The following KANSL1L variants were observed in gnomAD, a reference collection of about 807,000 sequenced individuals.
KANSL1L encodes the protein KAT8 regulatory NSL complex subunit 1-like protein.
A neutral mutation model predicts 108.6 loss-of-function variants in KANSL1L; 25 were observed. That is an observed-to-expected ratio of 0.23 (90% confidence interval 0.17 to 0.32). The LOEUF (loss-of-function observed/expected upper bound fraction) is 0.32, where lower values mean the gene tolerates loss of function less well. Ranked by LOEUF, KANSL1L falls within the 10% of genes least tolerant of loss-of-function variation. KANSL1L has a pLI of 1.00. For synonymous variants in KANSL1L, 405 were observed against 395.1 expected (o/e 1.03, Z -0.30); for missense variants, 1,137 against 1,125.7 (o/e 1.01, Z -0.14).
At chr2:210,059,977 A>G (rs1028305665) in intron 6 of KANSL1L, among the ~76,000 whole-genome samples, 1 of 152,146 alleles carries the variant, frequency 6.6e-6, no homozygotes, top group African/African-American at 2.4e-5. Context: ...TCCTGACCTC[A>G]GGTGATCCAC....
intron 10 of KANSL1L, chr2:210,029,228 A>G (rs1014091689): frequency 8.9e-6 from 3 of 336,710 alleles, no homozygotes; most frequent in African/African-American, 4.3e-5. Context: ...TAAGACCACA[A>G]AAAATAGGTC....
intron 1 of KANSL1L, among the ~76,000 whole-genome samples, chr2:210,162,851 T>C (rs1387141610): frequency 4.6e-5 from 7 of 152,172 alleles, no homozygotes; most frequent in Non-Finnish European, 8.8e-5. Context: ...AAAGCCGATA[T>C]TACTTTTTAA....
At chr2:210,164,563 A>T (rs914832625) in intron 1 of KANSL1L, among the ~76,000 whole-genome samples, 4 of 152,188 alleles carry the variant, frequency 2.6e-5, no homozygotes, top group African/African-American at 7.2e-5. Flanking sequence ...CAAGATACTT[A>T]GGAACAAGAG....
At chr2:210,046,457 T>C (rs559514153) in intron 6 of KANSL1L, among the ~76,000 whole-genome samples, 2 of 152,266 alleles carry the variant, frequency 1.3e-5, no homozygotes, top group South Asian at 4.1e-4. Context: ...TATTACATGC[T>C]TCCAAAATAC....
rs2093951490 is a variant in KANSL1L at position 210,027,295 on chromosome 2, C to T, written c.2451+1G>A. 1 of 1,604,262 alleles carries T rather than the reference C, an allele frequency of 6.2e-7. No individual in the cohort carries two copies. Among genetic ancestry groups the T allele is most frequent in the East Asian group, 2.2e-5 (1 of 44,752 alleles). ...ATCCCATTAAATGAAAGGCAGCTTACCTCTTCTTTGCCTAAATTATATTCA... is the reference window on the plus strand; with the variant it reads ...ATCCCATTAAATGAAAGGCAGCTTATCTCTTCTTTGCCTAAATTATATTCA... On this transcript the variant is annotated splice_donor_variant, in intron 12 of 14. Coordinates refer to ENST00000281772, the MANE Select transcript of KANSL1L (RefSeq NM_152519.4). LOFTEE classifies it high-confidence loss of function.
At chr2:210,102,923 T>A (rs781744255) in intron 4 of KANSL1L, among the ~76,000 whole-genome samples, 2 of 152,112 alleles carry the variant, frequency 1.3e-5, no homozygotes, top group Non-Finnish European at 2.9e-5. Context: ...TCCTCGAGGA[T>A]CTAGAACTAG....
At chr2:210,151,763 AT>A (rs2095305651) in intron 2 of KANSL1L, 1 of 152,220 alleles carries the variant, frequency 6.6e-6, no homozygotes, top group Non-Finnish European at 1.5e-5. Flanking sequence ...AGCCAGAAAA[AT>A]AATCTGCGCT....
chr2:210,104,925 G>A (rs2094831360), intron 3 of KANSL1L, among the ~76,000 whole-genome samples: 1 of 152,026 alleles, frequency 6.6e-6, no homozygotes, highest in Admixed American at 6.6e-5. Flanking sequence ...AAAGACACAA[G>A]CTTTCAACTT....
intron 6 of KANSL1L, among the ~76,000 whole-genome samples, chr2:210,053,628 A>G (rs945330549): frequency 9.2e-5 from 14 of 152,170 alleles, no homozygotes; most frequent in African/African-American, 3.4e-4. Context: ...ATACAAGATA[A>G]TTATTTTGTA....
intron 13 of KANSL1L, among the ~76,000 whole-genome samples, chr2:210,024,480 A>G (rs1480089958): frequency 3.3e-5 from 5 of 152,120 alleles, no homozygotes; most frequent in African/African-American, 1.2e-4. Context: ...GACTAATTAA[A>G]TGAAAGATGC....
intron 2 of KANSL1L, among the ~76,000 whole-genome samples, chr2:210,132,297 G>A (rs2095128966): frequency 6.6e-6 from 1 of 152,034 alleles, no homozygotes; most frequent in Non-Finnish European, 1.5e-5. Flanking sequence ...TAATGCACCA[G>A]CATACTCAGA....
intron 5 of KANSL1L, among the ~76,000 whole-genome samples, chr2:210,084,792 A>G (rs2094622457): frequency 6.6e-6 from 1 of 152,020 alleles, no homozygotes; most frequent in African/African-American, 2.4e-5. Context: ...TTTTGTTTTT[A>G]GTAGAGATGG....
At chr2:210,067,965 C>A (rs1292138476) in intron 6 of KANSL1L, among the ~76,000 whole-genome samples, 1 of 152,020 alleles carries the variant, frequency 6.6e-6, no homozygotes, top group Non-Finnish European at 1.5e-5. Context: ...GCAACCTCCG[C>A]CTCCTGGGTT....
intron 2 of KANSL1L, among the ~76,000 whole-genome samples, chr2:210,141,547 G>A (rs2095229533): frequency 6.6e-6 from 1 of 152,142 alleles, no homozygotes; most frequent in Admixed American, 6.6e-5. Flanking sequence ...TGAATCCGCT[G>A]ACAACTTGGC....
intron 4 of KANSL1L, among the ~76,000 whole-genome samples, chr2:210,099,003 C>T (rs1252551166): frequency 2.6e-5 from 4 of 151,854 alleles, no homozygotes; most frequent in Non-Finnish European, 5.9e-5. Context: ...TTTCATTACA[C>T]CTGTAATCCA....
At chr2:210,082,173 C>T (rs2094595809) in intron 5 of KANSL1L, among the ~76,000 whole-genome samples, 1 of 152,156 alleles carries the variant, frequency 6.6e-6, no homozygotes, top group Non-Finnish European at 1.5e-5. Flanking sequence ...CTCAAGCGAT[C>T]CTTCCGTCTC....
chr2:210,055,622 G>GTGAT (rs563656257), intron 6 of KANSL1L, among the ~76,000 whole-genome samples: 116 of 152,322 alleles, frequency 7.6e-4, no homozygotes, highest in African/African-American at 2.7e-3. Flanking sequence ...CCAGGCTGAG[G>GTGAT]TGATCTCAGA....
intron 3 of KANSL1L, among the ~76,000 whole-genome samples, chr2:210,117,246 A>G (rs1213299017): frequency 6.6e-6 from 1 of 152,196 alleles, no homozygotes; most frequent in Non-Finnish European, 1.5e-5. Flanking sequence ...CACCTACCAG[A>G]TCAAAAAAAT....
Position 210,040,461 on chromosome 2 carries a change from T to C in KANSL1L, c.1988A>G (p.Glu663Gly). 1.9e-6 allele frequency: 3 copies of C among 1,565,640 alleles called. No individual in the cohort carries two copies. The highest frequency in any genetic ancestry group is 2.6e-6 in the Non-Finnish European group (3 of 1,140,980). The change falls in exon 8 of 15, where the codon GAA (glutamate) becomes GGA (glycine). Residue 663 changes from glutamate (E) to glycine (G), a missense_variant. Glu to Gly is a moderately conservative substitution (Grantham distance 98, BLOSUM62 -2). Coordinates refer to ENST00000281772, the MANE Select transcript of KANSL1L (RefSeq NM_152519.4). Reference sequence around the variant, plus strand: ...GATATATTCATCTACAAATTTATTTTCAGCAAGATTGCCTTTTATTTCAGT... The same window carrying C: ...GATATATTCATCTACAAATTTATTTCCAGCAAGATTGCCTTTTATTTCAGT... Reference protein sequence around the residue: ...KKTEIKGNLAENKFVDEYIIS... With the variant: ...KKTEIKGNLAGNKFVDEYIIS...
Sources: gnomAD v4.1 joint callset for allele counts (sites outside exome capture counted in the v4.1 genomes callset) on GRCh38, gnomAD v4.1.1 for gene constraint, MANE v1.5 for transcripts, NCBI Gene and HGNC (gene_info 2026-07-23, HGNC 2026-07-21) for gene names.